Variants in POU2F1 observed in about 807,000 individuals in gnomAD.
The protein encoded by POU2F1 is POU domain, class 2, transcription factor 1.
Under a neutral mutation model 84.9 loss-of-function variants are expected in POU2F1, and 16 were observed. The observed-to-expected ratio is 0.19, with a 90% confidence interval of 0.13 to 0.29. The LOEUF (loss-of-function observed/expected upper bound fraction) is 0.29. Among genes scored for constraint, POU2F1 ranks in the 10% least tolerant of loss-of-function variants. The probability of loss-of-function intolerance (pLI) is 1.00; values close to 1 mark genes in which losing one functional copy is unlikely to be tolerated. For synonymous variants in POU2F1, 368 were observed against 368.3 expected (o/e 1.00, Z 0.01); for missense variants, 738 against 942.6 (o/e 0.78, Z 2.84).
At chr1:167,370,129 A>G (rs1445271720) in intron 3 of POU2F1, 32 bp from the exon 4 acceptor site, 3 of 1,582,708 alleles carry the variant, frequency 1.9e-6, no homozygotes, top group South Asian at 1.1e-5. Flanking sequence ...TGTCAACAGT[A>G]TTAAACTAGA....
intron 1 of POU2F1, among the ~76,000 whole-genome samples, chr1:167,256,997 A>T (rs1256394305): frequency 6.6e-6 from 1 of 152,094 alleles, no homozygotes; most frequent in Non-Finnish European, 1.5e-5. Context: ...TCTCCCTAGG[A>T]CCTTTAATTT....
intron 2 of POU2F1, among the ~76,000 whole-genome samples, chr1:167,334,745 T>G (rs912312929): frequency 6.6e-6 from 1 of 152,250 alleles, no homozygotes; most frequent in African/African-American, 2.4e-5. Flanking sequence ...ATTTAGATAA[T>G]TGTATGCTTA....
intron 2 of POU2F1, among the ~76,000 whole-genome samples, chr1:167,335,267 A>G (rs1657368499): frequency 6.6e-6 from 1 of 152,240 alleles, no homozygotes; most frequent in African/African-American, 2.4e-5. Flanking sequence ...GAGATAAGAC[A>G]GATAAATAAC....
At chr1:167,256,488 CAT>C (rs1277084884) in intron 1 of POU2F1, among the ~76,000 whole-genome samples, 1 of 149,844 alleles carries the variant, frequency 6.7e-6, no homozygotes, top group East Asian at 2.0e-4. Context: ...ATGGAGATAA[CAT>C]AACTTTTTAG....
intron 1 of POU2F1, among the ~76,000 whole-genome samples, chr1:167,316,795 T>C (rs1655933376): frequency 6.6e-6 from 1 of 152,226 alleles, no homozygotes; most frequent in South Asian, 2.1e-4. Flanking sequence ...CAAAGCTGCC[T>C]GGGTTTTAAA....
At chr1:167,227,180 A>G (rs2102329606) in intron 1 of POU2F1, among the ~76,000 whole-genome samples, 1 of 152,318 alleles carries the variant, frequency 6.6e-6, no homozygotes, top group Non-Finnish European at 1.5e-5. Flanking sequence ...CACATTCCAC[A>G]AAGCTAAGTG....
At chr1:167,243,980 T>C (rs1348035506) in intron 1 of POU2F1, among the ~76,000 whole-genome samples, 1 of 151,960 alleles carries the variant, frequency 6.6e-6, no homozygotes, top group African/African-American at 2.4e-5. Flanking sequence ...GGACCGAGAG[T>C]AGACTGTGCT....
intron 1 of POU2F1, among the ~76,000 whole-genome samples, chr1:167,230,213 G>A (rs1194711383): frequency 6.6e-6 from 1 of 152,108 alleles, no homozygotes; most frequent in East Asian, 1.9e-4. Flanking sequence ...AGTGTGTTTG[G>A]GACGTTGTGT....
chr1:167,234,629 G>C (rs1356243460), intron 1 of POU2F1, among the ~76,000 whole-genome samples: 1 of 152,142 alleles, frequency 6.6e-6, no homozygotes, highest in Non-Finnish European at 1.5e-5. Flanking sequence ...AACTATTCTG[G>C]ATGCCGAAGC....
chr1:167,322,216 A>G (rs1239988366), intron 1 of POU2F1, among the ~76,000 whole-genome samples: 1 of 152,110 alleles, frequency 6.6e-6, no homozygotes, highest in Non-Finnish European at 1.5e-5. Context: ...TGTGCTTCCA[A>G]ATCCTCCTGT....
chr1:167,307,468 C>G (rs200444955), intron 1 of POU2F1, among the ~76,000 whole-genome samples: 1 of 70,828 alleles, frequency 1.4e-5, no homozygotes, highest in African/African-American at 4.8e-5. Context: ...ACTAGGATAA[C>G]CAAAAAAAAA....
chr1:167,289,365 A>ACAC (rs2102527202), intron 1 of POU2F1, among the ~76,000 whole-genome samples: 1 of 152,358 alleles, frequency 6.6e-6, no homozygotes, highest in South Asian at 2.1e-4. Flanking sequence ...CCTTCTAGTG[A>ACAC]GGACTAAACA....
intron 1 of POU2F1, among the ~76,000 whole-genome samples, chr1:167,226,550 T>C (rs1648644149): frequency 6.6e-6 from 1 of 152,212 alleles, no homozygotes; most frequent in Admixed American, 6.5e-5. Context: ...ATAAACTGTT[T>C]CAGCAGTAAT....
chr1:167,385,303 C>G (rs1647888116), intron 8 of POU2F1, among the ~76,000 whole-genome samples: 1 of 152,156 alleles, frequency 6.6e-6, no homozygotes, highest in South Asian at 2.1e-4. Flanking sequence ...CAATACCTAG[C>G]AGGCTTTTTT....
intron 2 of POU2F1, among the ~76,000 whole-genome samples, chr1:167,340,434 T>TTC: frequency 1.4e-5 from 2 of 143,010 alleles, no homozygotes; most frequent in African/African-American, 5.2e-5. Context: ...TTTTTTTCTT[T>TTC]TTTTTTTTTT....
intron 2 of POU2F1, among the ~76,000 whole-genome samples, chr1:167,340,429 T>C (rs1270344672): frequency 2.8e-5 from 4 of 140,984 alleles, no homozygotes; most frequent in Non-Finnish European, 6.0e-5. Flanking sequence ...TTTTCTTTTT[T>C]TCTTTTTTTT....
chr1:167,240,396 AAG>A (rs1419209143), intron 1 of POU2F1, among the ~76,000 whole-genome samples: 1 of 152,236 alleles, frequency 6.6e-6, no homozygotes, highest in African/African-American at 2.4e-5. Context: ...AAAAAAGAGT[AAG>A]AGTTGAATAC....
At chr1:167,221,050 C>G (rs1386789386) in intron 1 of POU2F1, 92 bp downstream of exon 1, 6 of 1,154,504 alleles carry the variant, frequency 5.2e-6, no homozygotes, top group African/African-American at 1.5e-5. Flanking sequence ...TATTAGTACT[C>G]AGGATTATTA....
chr1:167,250,068 A>G (rs1263701923), intron 1 of POU2F1, among the ~76,000 whole-genome samples: 2 of 152,092 alleles, frequency 1.3e-5, no homozygotes, highest in Non-Finnish European at 2.9e-5. Flanking sequence ...GTAGTATCAA[A>G]TTCTTTTGTG....
Sources: gnomAD v4.1 joint callset for allele counts (sites outside exome capture counted in the v4.1 genomes callset) on GRCh38, gnomAD v4.1.1 for gene constraint, MANE v1.5 for transcripts, NCBI Gene and HGNC (gene_info 2026-07-23, HGNC 2026-07-21) for gene names.